The following BTBD10 variants were observed in gnomAD, a reference collection of about 807,000 sequenced individuals.
BTBD10 encodes BTB/POZ domain-containing protein 10.
In BTBD10, 21 loss-of-function variants were observed where a neutral mutation model predicts 53.2. The ratio of observed to expected loss-of-function variants is 0.39; its 90% CI spans 0.28 to 0.57. The LOEUF (loss-of-function observed/expected upper bound fraction) is 0.57. Among genes scored for constraint, BTBD10 ranks in the 20% least tolerant of loss-of-function variants. BTBD10 has a pLI of 0.53. For missense variants in BTBD10, 360 were observed against 594.7 expected (o/e 0.61, Z 4.10); for synonymous variants, 149 against 192.7 (o/e 0.77, Z 1.88).
Position 13,445,145 on chromosome 11 carries a change from A to G in BTBD10, c.-21T>C. 1.3e-6 allele frequency: 2 copies of G among 1,577,970 alleles called. No individual in the cohort carries two copies. Among genetic ancestry groups the G allele is most frequent in the Non-Finnish European group, 8.7e-7 (1 of 1,147,568 alleles). On this transcript the variant is annotated 5_prime_UTR_variant, in exon 2 of 9. Transcript: ENST00000278174. ...GCCATCCCACTCCAAGCTTCCTCAC[A>G]CTACTGCTCTGAAAGCACACATGTA...
intron 2 of BTBD10, among the ~76,000 whole-genome samples, chr11:13,422,898 G>GA: frequency 6.6e-6 from 1 of 152,182 alleles, no homozygotes; most frequent in South Asian, 2.1e-4. Context: ...GCTTCCTCAG[G>GA]AGCTTGTTTT....
At chr11:13,394,227 A>C (rs1476359097) in intron 8 of BTBD10, among the ~76,000 whole-genome samples, 1 of 152,146 alleles carries the variant, frequency 6.6e-6, no homozygotes, top group Non-Finnish European at 1.5e-5. Context: ...TCCCATCCAA[A>C]TCTCATTACA....
chr11:13,433,479 C>T (rs1363543483), intron 2 of BTBD10, among the ~76,000 whole-genome samples: 1 of 152,170 alleles, frequency 6.6e-6, no homozygotes, highest in African/African-American at 2.4e-5. Context: ...ACTATTCTAA[C>T]AAATACCAGA....
At chr11:13,421,875 G>A in intron 2 of BTBD10, 37 bp from the exon 3 acceptor site, 1 of 1,499,780 alleles carries the variant, frequency 6.7e-7, no homozygotes, top group Non-Finnish European at 9.0e-7. Context: ...CATAAAAGCA[G>A]AACATAAGAT....
chr11:13,455,098 A>G (rs1249115903), intron 1 of BTBD10, among the ~76,000 whole-genome samples: 1 of 152,132 alleles, frequency 6.6e-6, no homozygotes, highest in African/African-American at 2.4e-5. Flanking sequence ...TTTTTAGTAG[A>G]GACAGGGTTT....
At chr11:13,390,008 C>T (rs1277437673) in intron 8 of BTBD10, among the ~76,000 whole-genome samples, 3 of 152,010 alleles carry the variant, frequency 2.0e-5, no homozygotes, top group Admixed American at 6.6e-5. Context: ...CCCGAAGCAG[C>T]GTTCCCTGAT....
rs191912418 is a variant in BTBD10 at position 13,402,919 on chromosome 11, G to A, written c.1117+249C>T. Reference sequence around the variant, plus strand: ...TCAAAAATGAATTAGGGCAAACTAGGGCAGAAAAAGACAAATTCATATCTC... The same window carrying A: ...TCAAAAATGAATTAGGGCAAACTAGAGCAGAAAAAGACAAATTCATATCTC... On this transcript the variant is annotated intron_variant, in intron 8 of 8. Transcript: ENST00000278174. Among the ~76,000 whole-genome samples the A allele has an allele frequency of 2.0e-5, 3 of 152,128 alleles. No homozygotes were observed. In the East Asian group the frequency reaches 5.8e-4, roughly 29 times the overall value.
intron 2 of BTBD10, among the ~76,000 whole-genome samples, chr11:13,426,560 A>G (rs1950342901): frequency 6.6e-6 from 1 of 152,168 alleles, no homozygotes. Context: ...ATATAACTAG[A>G]GTAGCACAAA....
intron 1 of BTBD10, among the ~76,000 whole-genome samples, chr11:13,458,753 G>A (rs148306629): frequency 8.4e-4 from 128 of 152,244 alleles, no homozygotes; most frequent in African/African-American, 3.0e-3. Flanking sequence ...AGAATGTCTC[G>A]CAGTTAACCA....
intron 1 of BTBD10, among the ~76,000 whole-genome samples, chr11:13,447,192 T>C (rs1308155935): frequency 1.3e-5 from 2 of 152,078 alleles, no homozygotes; most frequent in African/African-American, 4.8e-5. Context: ...CTTTGAACTC[T>C]AGGCCTCAAG....
chr11:13,427,421 A>G (rs529803080), intron 2 of BTBD10, among the ~76,000 whole-genome samples: 1 of 152,336 alleles, frequency 6.6e-6, no homozygotes, highest in African/African-American at 2.4e-5. Context: ...TTAATTTATT[A>G]AGTGCACATA....
At chr11:13,400,116 TTTTG>T (rs1217920871) in intron 8 of BTBD10, among the ~76,000 whole-genome samples, 2 of 152,354 alleles carry the variant, frequency 1.3e-5, no homozygotes, top group South Asian at 4.1e-4. Context: ...TATTGCTGTC[TTTTG>T]TTTGTCTGTG....
intron 2 of BTBD10, among the ~76,000 whole-genome samples, chr11:13,444,327 T>A (rs915510617): frequency 6.6e-6 from 1 of 152,130 alleles, no homozygotes; most frequent in Admixed American, 6.5e-5. Context: ...GTAATATTCA[T>A]AGAAGATATT....
chr11:13,443,062 C>T (rs1950688948), intron 2 of BTBD10, among the ~76,000 whole-genome samples: 1 of 151,830 alleles, frequency 6.6e-6, no homozygotes. Flanking sequence ...TCAAATAACC[C>T]TAAATACTGC....
At chr11:13,404,139 C>T (rs1949767689) in intron 7 of BTBD10, among the ~76,000 whole-genome samples, 2 of 152,120 alleles carry the variant, frequency 1.3e-5, no homozygotes, top group South Asian at 4.1e-4. Context: ...ATTATTACTA[C>T]ATCCTTAAGA....
At chr11:13,421,866 AT>A (rs1279898870) in intron 2 of BTBD10, 28 bp from the exon 3 acceptor site, 6 of 1,551,832 alleles carry the variant, frequency 3.9e-6, no homozygotes, top group African/African-American at 1.4e-5. Context: ...AAAATTAACC[AT>A]AAAAGCAGAA....
intron 6 of BTBD10, among the ~76,000 whole-genome samples, chr11:13,408,938 C>T (rs571736943): frequency 6.6e-6 from 1 of 152,302 alleles, no homozygotes; most frequent in South Asian, 2.1e-4. Flanking sequence ...TAGCACTGAA[C>T]AACTCTACAC....
chr11:13,427,143 G>A (rs935797804), intron 2 of BTBD10, among the ~76,000 whole-genome samples: 9 of 152,118 alleles, frequency 5.9e-5, no homozygotes, highest in African/African-American at 1.4e-4. Context: ...CTTGAGCCTC[G>A]GAGGTCAAGG....
At chr11:13,433,716 A>G (rs933536261) in intron 2 of BTBD10, among the ~76,000 whole-genome samples, 7 of 152,192 alleles carry the variant, frequency 4.6e-5, no homozygotes, top group Admixed American at 1.3e-4. Context: ...TTTTCATGCT[A>G]CAATGACAAA....
Sources: allele counts gnomAD v4.1 joint callset (sites outside exome capture counted in the v4.1 genomes callset), GRCh38; gene constraint gnomAD v4.1.1; transcripts MANE v1.5; gene names NCBI Gene and HGNC (gene_info 2026-07-23, HGNC 2026-07-21).